The following SRRM4 variants were observed in gnomAD, a reference collection of about 807,000 sequenced individuals.
SRRM4 encodes serine/arginine repetitive matrix protein 4.
In SRRM4, 33 loss-of-function variants were observed where a neutral mutation model predicts 68.9. That is an observed-to-expected ratio of 0.48 (90% CI 0.36 to 0.64). The LOEUF is 0.64. SRRM4 is among the 30% of genes least tolerant of loss of function. SRRM4 has a pLI of 0.00. For missense variants in SRRM4, 817 were observed against 827.1 expected (o/e 0.99, Z 0.15); for synonymous variants, 318 against 318.8 (o/e 1.00, Z 0.03).
rs545580735 is a variant in SRRM4, at chr12:119,156,392, G to A, written c.1533-103G>A. 3.4e-6 allele frequency: 5 copies of A among 1,451,978 alleles called. No individual in the cohort carries two copies. The African/African-American group carries it at 4.3e-5, about 12-fold the overall frequency. The allele number at this position is 1,451,978 out of a possible 1,614,324, so 89.9% of individuals were successfully genotyped here. A position where few individuals can be genotyped will look rare whatever the true frequency, so the allele number is the denominator to read the frequency against. On this transcript the variant is annotated intron_variant, in intron 12 of 12. Coordinates refer to ENST00000267260, the MANE Select transcript of SRRM4 (RefSeq NM_194286.4). The stretch of plus-strand genomic sequence containing the variant: ...AGGGAGTATTTTTTCCTAAGGGACT[G>A]GGGAAAGGGAGGATATTGGTTTCCC...
intron 7 of SRRM4, 94 bp from the exon 8 acceptor site, chr12:119,130,584 C>A (rs1351001186): frequency 7.8e-7 from 1 of 1,284,042 alleles, no homozygotes; most frequent in African/African-American, 1.5e-5. Flanking sequence ...CCCCCAAACA[C>A]ACTTTATCAT....
At chr12:119,130,449 A>AAATGGATG (rs1207949263) in intron 7 of SRRM4, among the ~76,000 whole-genome samples, 3 of 129,654 alleles carry the variant, frequency 2.3e-5, no homozygotes, top group South Asian at 2.6e-4. Flanking sequence ...ATGGATGGTT[A>AAATGGATG]AATGGATGAA....
chr12:119,070,428 T>C (rs1953871397), intron 1 of SRRM4, among the ~76,000 whole-genome samples: 1 of 152,132 alleles, frequency 6.6e-6, no homozygotes, highest in Non-Finnish European at 1.5e-5. Flanking sequence ...CACCCATGTC[T>C]GCAATTTCCA....
intron 1 of SRRM4, among the ~76,000 whole-genome samples, chr12:119,075,532 A>G (rs957255563): frequency 6.8e-4 from 65 of 95,478 alleles, no homozygotes; most frequent in Middle Eastern, 0.01. Flanking sequence ...TGATGGTGAT[A>G]ATGGTAGCAA....
intron 1 of SRRM4, among the ~76,000 whole-genome samples, chr12:118,999,917 T>A (rs1370531216): frequency 6.6e-6 from 1 of 152,244 alleles, no homozygotes; most frequent in East Asian, 1.9e-4. Context: ...GCTCTAATAC[T>A]AGGCACTAAG....
intron 1 of SRRM4, among the ~76,000 whole-genome samples, chr12:119,056,473 A>T (rs1442372409): frequency 1.3e-5 from 2 of 152,202 alleles, no homozygotes; most frequent in Admixed American, 6.5e-5. Context: ...AAGAGAGCTC[A>T]CATTTCTGTC....
chr12:119,119,218 G>A (rs757032419), intron 4 of SRRM4, among the ~76,000 whole-genome samples: 3 of 151,812 alleles, frequency 2.0e-5, no homozygotes, highest in African/African-American at 7.3e-5. Flanking sequence ...CACATCCTGC[G>A]TATGTACCCC....
chr12:119,055,425 G>T (rs1474465368), intron 1 of SRRM4, among the ~76,000 whole-genome samples: 1 of 151,908 alleles, frequency 6.6e-6, no homozygotes, highest in Non-Finnish European at 1.5e-5. Context: ...TCCATAAGAA[G>T]CATATTTTAG....
At chr12:119,026,180 GA>G (rs1438939316) in intron 1 of SRRM4, among the ~76,000 whole-genome samples, 1 of 151,936 alleles carries the variant, frequency 6.6e-6, no homozygotes, top group Non-Finnish European at 1.5e-5. Context: ...TTTATGTCAT[GA>G]AAAAAATCAC....
intron 9 of SRRM4, among the ~76,000 whole-genome samples, chr12:119,146,662 T>C (rs112879012): frequency 0.017 from 2,480 of 149,932 alleles, 72 homozygotes; most frequent in African/African-American, 0.057. Context: ...ACAGGCCAGG[T>C]GCGGTGGCTC....
At chr12:119,101,569 C>T (rs1410592513) in intron 1 of SRRM4, among the ~76,000 whole-genome samples, 3 of 151,962 alleles carry the variant, frequency 2.0e-5, no homozygotes, top group African/African-American at 7.3e-5. Flanking sequence ...CTCATTTTAT[C>T]TTCACAATAG....
At chr12:119,065,522 G>A (rs2078479793) in intron 1 of SRRM4, among the ~76,000 whole-genome samples, 1 of 152,116 alleles carries the variant, frequency 6.6e-6, no homozygotes, top group African/African-American at 2.4e-5. Context: ...AGATCACAAG[G>A]TCAGGCATTT....
In SRRM4 at chr12:119,039,399, T is replaced by A. The variant is rs574358665; in HGVS notation, c.131+57386T>A. Among the ~76,000 whole-genome samples the A allele has an allele frequency of 2.6e-5, 4 of 152,358 alleles. No homozygotes were observed. The East Asian group carries it at 7.7e-4, about 29-fold the overall frequency. On this transcript the variant is annotated intron_variant, in intron 1 of 12. Coordinates refer to ENST00000267260, the MANE Select transcript of SRRM4 (RefSeq NM_194286.4). ...ATAGGTGACATCAACTATTTTCTTC[T>A]CTATTTTATTCCTGGGTATTTCAAA...
intron 7 of SRRM4, among the ~76,000 whole-genome samples, chr12:119,127,337 T>A (rs1954268323): frequency 6.6e-6 from 1 of 152,148 alleles, no homozygotes; most frequent in African/African-American, 2.4e-5. Flanking sequence ...CTGAAATGCA[T>A]CTCACACTTG....
intron 8 of SRRM4, among the ~76,000 whole-genome samples, chr12:119,135,536 C>T (rs1490618250): frequency 2.0e-5 from 3 of 152,054 alleles, no homozygotes; most frequent in Admixed American, 2.0e-4. Context: ...ATCTGGGCAC[C>T]CTGGAGTTCT....
intron 1 of SRRM4, among the ~76,000 whole-genome samples, chr12:119,042,629 G>A (rs1203643768): frequency 1.3e-5 from 2 of 151,390 alleles, no homozygotes; most frequent in East Asian, 3.9e-4. Flanking sequence ...AGAGGGATGA[G>A]AGGAGGAGAG....
At chr12:119,126,696 A>G (rs1954263520) in intron 7 of SRRM4, among the ~76,000 whole-genome samples, 1 of 152,208 alleles carries the variant, frequency 6.6e-6, no homozygotes, top group African/African-American at 2.4e-5. Context: ...AGGGAAGGAG[A>G]AGAGCAAGAA....
At chr12:119,138,083 G>A (rs1381036954) in intron 8 of SRRM4, among the ~76,000 whole-genome samples, 1 of 152,098 alleles carries the variant, frequency 6.6e-6, no homozygotes, top group Non-Finnish European at 1.5e-5. Flanking sequence ...GGGGTTTGGG[G>A]TCCGGAGAGC....
intron 1 of SRRM4, among the ~76,000 whole-genome samples, chr12:119,021,269 GA>G (rs979758352): frequency 6.6e-6 from 1 of 151,630 alleles, no homozygotes; most frequent in Non-Finnish European, 1.5e-5. Context: ...TTTACTTAAG[GA>G]AAAAAAAGAA....
Sources: allele counts gnomAD v4.1 joint callset (sites outside exome capture counted in the v4.1 genomes callset), GRCh38; gene constraint gnomAD v4.1.1; transcripts MANE v1.5; gene names NCBI Gene and HGNC (gene_info 2026-07-23, HGNC 2026-07-21).